HS6ST3: variants seen among roughly 807,000 people sequenced by gnomAD.
The protein encoded by HS6ST3 is heparan-sulfate 6-O-sulfotransferase 3.
A neutral mutation model predicts 36.7 loss-of-function variants in HS6ST3; 12 were observed. That is an observed-to-expected ratio of 0.33 (90% confidence interval 0.21 to 0.53). The LOEUF (loss-of-function observed/expected upper bound fraction) is 0.53. HS6ST3 is among the 20% of genes least tolerant of loss of function. The probability of loss-of-function intolerance (pLI) is 0.95; values close to 1 mark genes in which losing one functional copy is unlikely to be tolerated. For synonymous variants in HS6ST3, 240 were observed against 257.5 expected, an observed-to-expected ratio of 0.93 and a Z score of 0.65; for missense variants, 584 against 640.9, an observed-to-expected ratio of 0.91 and a Z score of 0.96.
chr13:96,516,638 A>G (rs1043027834), intron 1 of HS6ST3, among the ~76,000 whole-genome samples: 2 of 152,212 alleles, frequency 1.3e-5, no homozygotes, highest in Non-Finnish European at 2.9e-5. Context: ...GTAGCATAAA[A>G]CAGCAGAAAA....
intron 1 of HS6ST3, among the ~76,000 whole-genome samples, chr13:96,463,911 T>C (rs1936135716): frequency 6.6e-6 from 1 of 151,970 alleles, no homozygotes; most frequent in Non-Finnish European, 1.5e-5. Context: ...TAAAACGTGT[T>C]GTGAGGTTAT....
intron 1 of HS6ST3, among the ~76,000 whole-genome samples, chr13:96,231,473 G>C (rs1471747425): frequency 6.6e-6 from 1 of 152,124 alleles, no homozygotes; most frequent in African/African-American, 2.4e-5. Context: ...AGAAAGCAAA[G>C]GGGAAGCAGG....
At chr13:96,253,013 G>T (rs746070602) in intron 1 of HS6ST3, among the ~76,000 whole-genome samples, 1 of 152,064 alleles carries the variant, frequency 6.6e-6, no homozygotes, top group African/African-American at 2.4e-5. Flanking sequence ...ACGCAAGAAC[G>T]ACCTAATACA....
chr13:96,514,294 G>T (rs1177733103), intron 1 of HS6ST3, among the ~76,000 whole-genome samples: 1 of 152,194 alleles, frequency 6.6e-6, no homozygotes, highest in Non-Finnish European at 1.5e-5. Context: ...GGTGCAGCCA[G>T]CAGGATTTGG....
At chr13:96,818,302 C>G (rs994682654) in intron 1 of HS6ST3, among the ~76,000 whole-genome samples, 4 of 152,192 alleles carry the variant, frequency 2.6e-5, no homozygotes, top group African/African-American at 4.8e-5. Flanking sequence ...GCTGAAAGAT[C>G]CCATTGAATG....
At chr13:96,242,646 C>CT (rs1476293673) in intron 1 of HS6ST3, among the ~76,000 whole-genome samples, 13 of 151,774 alleles carry the variant, frequency 8.6e-5, no homozygotes, top group Admixed American at 8.5e-4. Flanking sequence ...GATTTCTTTT[C>CT]TTTTTTAAGG....
chr13:96,533,236 C>G (rs1226924889), intron 1 of HS6ST3, among the ~76,000 whole-genome samples: 1 of 152,138 alleles, frequency 6.6e-6, no homozygotes, highest in Non-Finnish European at 1.5e-5. Context: ...GGGGTAGAGA[C>G]ACAGAGACTG....
rs975449250 is a variant in HS6ST3, at chr13:96,090,233, C to A, written c.-630C>A. 6.6e-6 allele frequency among the ~76,000 whole-genome samples: 1 copy of A among 151,026 alleles called. No individual in the cohort carries two copies. The highest frequency in any genetic ancestry group is 6.6e-5 in the Admixed American group (1 of 15,212). ...GAGAGGCGTCTCCGCAGAGGCGCCT[C>A]GCCCGCTGCCGCTGCGCTGCGGGGG... On this transcript the variant is annotated 5_prime_UTR_variant, in exon 1 of 2. Coordinates refer to ENST00000376705, the MANE Select transcript of HS6ST3 (RefSeq NM_153456.4).
chr13:96,525,726 A>T (rs1223470841), intron 1 of HS6ST3, among the ~76,000 whole-genome samples: 1 of 152,228 alleles, frequency 6.6e-6, no homozygotes, highest in Non-Finnish European at 1.5e-5. Flanking sequence ...TTTATAATGT[A>T]CCTATTAGGA....
intron 1 of HS6ST3, among the ~76,000 whole-genome samples, chr13:96,326,150 T>A (rs1393439245): frequency 2.1e-5 from 3 of 146,048 alleles, no homozygotes; most frequent in Non-Finnish European, 4.5e-5. Context: ...TTGAAACATC[T>A]GATATATTCA....
chr13:96,411,229 A>G (rs2055505777), intron 1 of HS6ST3, among the ~76,000 whole-genome samples: 1 of 152,208 alleles, frequency 6.6e-6, no homozygotes, highest in African/African-American at 2.4e-5. Context: ...CCATTCCATC[A>G]TGATGGCTTC....
intron 1 of HS6ST3, among the ~76,000 whole-genome samples, chr13:96,209,400 C>T (rs954432086): frequency 4.6e-5 from 7 of 152,062 alleles, no homozygotes; most frequent in African/African-American, 1.7e-4. Flanking sequence ...GGTTGGTGCT[C>T]CCCAGCTTTT....
chr13:96,105,469 G>A (rs1466501219), intron 1 of HS6ST3, among the ~76,000 whole-genome samples: 1 of 152,070 alleles, frequency 6.6e-6, no homozygotes, highest in Non-Finnish European at 1.5e-5. Context: ...TGGCCAACAT[G>A]GTGAAAACCT....
At chr13:96,741,493 C>A (rs1377715955) in intron 1 of HS6ST3, among the ~76,000 whole-genome samples, 1 of 152,096 alleles carries the variant, frequency 6.6e-6, no homozygotes, top group Non-Finnish European at 1.5e-5. Context: ...ATTCTATATC[C>A]CTTTGTTCTA....
chr13:96,222,451 C>T (rs1287816227), intron 1 of HS6ST3, among the ~76,000 whole-genome samples: 2 of 152,144 alleles, frequency 1.3e-5, no homozygotes, highest in Non-Finnish European at 2.9e-5. Context: ...AAACTGGAGG[C>T]AAAATAGCTG....
chr13:96,332,043 C>T (rs1385951076), intron 1 of HS6ST3, among the ~76,000 whole-genome samples: 6 of 152,192 alleles, frequency 3.9e-5, no homozygotes, highest in South Asian at 2.1e-4. Flanking sequence ...CTTCGGCTCG[C>T]GCAGGGTGCA....
At chr13:96,747,340 G>C (rs1019797073) in intron 1 of HS6ST3, among the ~76,000 whole-genome samples, 1 of 152,136 alleles carries the variant, frequency 6.6e-6, no homozygotes, top group South Asian at 2.1e-4. Context: ...GGCGGGATTG[G>C]AATGATATGG....
At chr13:96,175,694 CAAA>C (rs4001570) in intron 1 of HS6ST3, among the ~76,000 whole-genome samples, 8,380 of 140,768 alleles carry the variant, frequency 0.06, 304 homozygotes, top group African/African-American at 0.1. Context: ...GTGAATTTGG[CAAA>C]AAAAAAAAAA....
chr13:96,225,550 G>A (rs2054476338), intron 1 of HS6ST3, among the ~76,000 whole-genome samples: 1 of 152,162 alleles, frequency 6.6e-6, no homozygotes, highest in Non-Finnish European at 1.5e-5. Context: ...GATGGAGGAG[G>A]TAGTACTAGA....
Sources: allele counts gnomAD v4.1 joint callset (sites outside exome capture counted in the v4.1 genomes callset), GRCh38; gene constraint gnomAD v4.1.1; transcripts MANE v1.5; gene names NCBI Gene and HGNC (gene_info 2026-07-23, HGNC 2026-07-21).